Variants in HIP1 observed in about 807,000 individuals in gnomAD.
HIP1 encodes huntingtin-interacting protein 1.
In HIP1, 65 loss-of-function variants were observed where a neutral mutation model predicts 147.6. The ratio of observed to expected loss-of-function variants is 0.44; its 90% CI spans 0.36 to 0.54. The LOEUF (loss-of-function observed/expected upper bound fraction) is 0.54, where lower values mean the gene tolerates loss of function less well. HIP1 is among the 20% of genes least tolerant of loss of function. HIP1 has a pLI of 0.00. For synonymous variants in HIP1, 479 were observed against 504.0 expected (o/e 0.95, Z 0.67); for missense variants, 1,061 against 1,299.6 (o/e 0.82, Z 2.82).
intron 1 of HIP1, among the ~76,000 whole-genome samples, chr7:75,630,548 C>T (rs587624502): frequency 2.6e-5 from 4 of 151,898 alleles, no homozygotes; most frequent in South Asian, 2.1e-4. Flanking sequence ...TTTCAAGCAT[C>T]GACCAGAGGT....
At chr7:75,706,901 C>A (rs7803786) in intron 1 of HIP1, among the ~76,000 whole-genome samples, 1 of 31,728 alleles carries the variant, frequency 3.2e-5, no homozygotes, top group South Asian at 1.1e-3. Flanking sequence ...TTTGTTCTTG[C>A]GATAGTTTAC....
At chr7:75,604,481 C>T (rs1797140193) in intron 1 of HIP1, among the ~76,000 whole-genome samples, 1 of 152,112 alleles carries the variant, frequency 6.6e-6, no homozygotes, top group African/African-American at 2.4e-5. Context: ...CAAGACCAGC[C>T]TGGGCAACAT....
intron 1 of HIP1, among the ~76,000 whole-genome samples, chr7:75,661,653 G>C (rs565429957): frequency 6.6e-6 from 1 of 151,922 alleles, no homozygotes; most frequent in South Asian, 2.1e-4. Flanking sequence ...GGGGGAGTGG[G>C]TCCAGTCCTG....
At chr7:75,555,122 G>A (rs1466124494) in intron 19 of HIP1, among the ~76,000 whole-genome samples, 1 of 141,922 alleles carries the variant, frequency 7.0e-6, no homozygotes, top group Non-Finnish European at 1.5e-5. Context: ...AGGAAGCGGA[G>A]GTTGCAGTGA....
At chr7:75,590,727 A>G (rs1305834865) in intron 4 of HIP1, among the ~76,000 whole-genome samples, 1 of 152,222 alleles carries the variant, frequency 6.6e-6, no homozygotes, top group Non-Finnish European at 1.5e-5. Flanking sequence ...AGAAATATAT[A>G]CCAGGCAAAT....
intron 1 of HIP1, among the ~76,000 whole-genome samples, chr7:75,734,030 G>A (rs918036010): frequency 1.3e-5 from 2 of 151,944 alleles, no homozygotes; most frequent in African/African-American, 4.8e-5. Flanking sequence ...CGGCTCACCT[G>A]AGGTCAGGAG....
chr7:75,696,149 G>A (rs933861564), intron 1 of HIP1, among the ~76,000 whole-genome samples: 35 of 151,174 alleles, frequency 2.3e-4, no homozygotes, highest in South Asian at 1.3e-3. Context: ...CACCATGCCC[G>A]GCTAATGTTT....
intron 1 of HIP1, among the ~76,000 whole-genome samples, chr7:75,705,936 G>A (rs1159849389): frequency 2.0e-5 from 3 of 151,844 alleles, no homozygotes; most frequent in East Asian, 1.9e-4. Flanking sequence ...CTGTTGCCTA[G>A]GCAGGAGTGC....
intron 1 of HIP1, among the ~76,000 whole-genome samples, chr7:75,674,501 T>TTTTTTTTG (rs60604942): frequency 0.31 from 23,193 of 74,140 alleles, 2,336 homozygotes; most frequent in African/African-American, 0.47. Flanking sequence ...GGCTTTTTGT[T>TTTTTTTTG]TTTTTTTTTG....
intron 1 of HIP1, among the ~76,000 whole-genome samples, chr7:75,736,619 G>A (rs1270377482): frequency 6.6e-6 from 1 of 152,054 alleles, no homozygotes; most frequent in East Asian, 1.9e-4. Flanking sequence ...ATGTAACTAG[G>A]CAGCTAGCAG....
At chr7:75,607,088 G>C (rs1554503945) in intron 1 of HIP1, among the ~76,000 whole-genome samples, 3 of 151,592 alleles carry the variant, frequency 2.0e-5, no homozygotes, top group South Asian at 4.2e-4. Flanking sequence ...TTTTTAAATA[G>C]CCAGGTGTGG....
chr7:75,585,878 G>A (rs1322200529), intron 5 of HIP1, among the ~76,000 whole-genome samples: 1 of 151,846 alleles, frequency 6.6e-6, no homozygotes, highest in African/African-American at 2.4e-5. Context: ...GCAGTGATGC[G>A]ATCATAGCTC....
At chr7:75,548,795 G>T in intron 23 of HIP1, 96 bp downstream of exon 23, 1 of 946,918 alleles carries the variant, frequency 1.1e-6, no homozygotes, top group Non-Finnish European at 1.7e-6. Context: ...GGGTTGCCAT[G>T]GCCTTAATGA....
At position 75,533,358 on chromosome 7, in the gene HIP1, G is replaced by A; in HGVS notation, c.*4814C>T. 4.5e-6 allele frequency: 1 copy of A among 222,836 alleles called. No homozygotes were observed. Among genetic ancestry groups the A allele is most frequent in the Non-Finnish European group, 9.0e-6 (1 of 111,574 alleles). 13.8% of individuals were successfully genotyped at this position (222,836 alleles called of 1,614,324 possible). Reference sequence around the variant, plus strand: ...ACACAGATGCAATGTATTATACAAAGAAAGGTCTTAATACCATAATAAAAG... The same window carrying A: ...ACACAGATGCAATGTATTATACAAAAAAAGGTCTTAATACCATAATAAAAG... On this transcript the variant is annotated 3_prime_UTR_variant, in exon 31 of 31. Coordinates refer to ENST00000336926, the MANE Select transcript of HIP1 (RefSeq NM_005338.7).
chr7:75,612,244 C>A (rs1797467182), intron 1 of HIP1, among the ~76,000 whole-genome samples: 1 of 152,170 alleles, frequency 6.6e-6, no homozygotes, highest in South Asian at 2.1e-4. Flanking sequence ...GGCACGGTGG[C>A]TCCACCTGTA....
intron 1 of HIP1, among the ~76,000 whole-genome samples, chr7:75,732,662 T>C (rs1468889293): frequency 3.3e-5 from 5 of 152,186 alleles, no homozygotes; most frequent in Admixed American, 3.3e-4. Flanking sequence ...ATGATAAACA[T>C]GAGCCACTGC....
chr7:75,647,211 C>CAAAAAAAAAAAAAAAAAAAA lies in HIP1; in HGVS notation c.121-47984_121-47965dup, dbSNP rs60972195. On this transcript the variant is annotated intron_variant, in intron 1 of 30. Coordinates refer to ENST00000336926, the MANE Select transcript of HIP1 (RefSeq NM_005338.7). ...CGAAACCCCATCTCTACTAAAAATA[C>CAAAAAAAAAAAAAAAAAAAA]AAAAAAAAAAAAAAAAAAAAAAAAA... Among the ~76,000 whole-genome samples, 11 of 58,002 alleles carry CAAAAAAAAAAAAAAAAAAAA rather than the reference C, an allele frequency of 1.9e-4. 2 individuals carry two copies. Among genetic ancestry groups the CAAAAAAAAAAAAAAAAAAAA allele is most frequent in the East Asian group, 6.5e-4 (1 of 1,538 alleles). 38.1% of individuals were successfully genotyped at this position (58,002 alleles called of 152,430 possible).
chr7:75,567,187 A>G (rs1268230596), intron 9 of HIP1, among the ~76,000 whole-genome samples: 7 of 149,804 alleles, frequency 4.7e-5, no homozygotes, highest in Non-Finnish European at 8.8e-5. Context: ...TTTTTTTGAG[A>G]AAACCTAAAG....
At chr7:75,557,069 G>A (rs960329417) in intron 16 of HIP1, among the ~76,000 whole-genome samples, 19 of 140,334 alleles carry the variant, frequency 1.4e-4, no homozygotes, top group African/African-American at 5.4e-4. Context: ...ACGGAGTCTC[G>A]CTGTTGTTGC....
Sources: allele counts gnomAD v4.1 joint callset (sites outside exome capture counted in the v4.1 genomes callset), GRCh38; gene constraint gnomAD v4.1.1; transcripts MANE v1.5; gene names NCBI Gene and HGNC (gene_info 2026-07-23, HGNC 2026-07-21).